Variants in RORA observed in about 807,000 individuals in gnomAD.
RORA encodes RAR related orphan receptor A, also known as nuclear receptor ROR-alpha.
Under a neutral mutation model 69.5 loss-of-function variants are expected in RORA, and 7 were observed. The observed-to-expected ratio is 0.10, with a 90% CI of 0.06 to 0.19. The LOEUF (loss-of-function observed/expected upper bound fraction) is 0.19, where lower values mean the gene tolerates loss of function less well. RORA is among the 10% of genes least tolerant of loss of function. The pLI is 1.00. For missense variants in RORA, 457 were observed against 663.0 expected (o/e 0.69, Z 3.41); for synonymous variants, 261 against 240.8 (o/e 1.08, Z -0.78).
At position 60,927,023 on chromosome 15, in the gene RORA, C is replaced by CA. The variant is rs1186547355; in HGVS notation, c.167-248338dup. Among the ~76,000 whole-genome samples, 5 of 152,056 alleles carry CA rather than the reference C, an allele frequency of 3.3e-5. No homozygotes were observed. The East Asian group carries it at 9.6e-4, about 29-fold the overall frequency. On this transcript the variant is annotated intron_variant, in intron 1 of 10. Coordinates refer to ENST00000335670, the MANE Select transcript of RORA (RefSeq NM_134261.3). ...TTCATGATAAGTGTGTTGTTGATAT[C>CA]AGGAAAAAATTATTATCATTTTGAA...
chr15:60,997,647 A>T (rs1894599580), intron 1 of RORA, among the ~76,000 whole-genome samples: 1 of 152,230 alleles, frequency 6.6e-6, no homozygotes. Context: ...GAAAGCACCC[A>T]TGTATATCTT....
chr15:60,494,388 GC>G lies in RORA; in HGVS notation c.*3066del, dbSNP rs1201867727. 6.6e-6 allele frequency: 1 copy of G among 152,194 alleles called. No individual in the cohort carries two copies. Among genetic ancestry groups the G allele is most frequent in the Non-Finnish European group, 1.5e-5 (1 of 68,030 alleles). The allele number at this position is 152,194 out of a possible 1,614,324, so 9.4% of individuals were successfully genotyped here. On this transcript the variant is annotated 3_prime_UTR_variant, in exon 11 of 11. Coordinates refer to ENST00000335670, the MANE Select transcript of RORA (RefSeq NM_134261.3). ...TGTACAAAGGCATTGTAGCAGCGGG[GC>G]TGACAGTGATGTGGTTCCAATCCTT...
chr15:60,658,290 A>C (rs1290994854), intron 2 of RORA, among the ~76,000 whole-genome samples: 1 of 152,106 alleles, frequency 6.6e-6, no homozygotes, highest in African/African-American at 2.4e-5. Flanking sequence ...CCTGACCTCA[A>C]GTGATCCGCC....
intron 1 of RORA, among the ~76,000 whole-genome samples, chr15:60,830,849 T>C (rs1000093326): frequency 6.6e-6 from 1 of 152,244 alleles, no homozygotes; most frequent in African/African-American, 2.4e-5. Context: ...CAAGATTTTC[T>C]TGGGCATGAG....
At chr15:60,838,766 C>T (rs1567209226) in intron 1 of RORA, among the ~76,000 whole-genome samples, 1 of 151,706 alleles carries the variant, frequency 6.6e-6, no homozygotes, top group African/African-American at 2.4e-5. Flanking sequence ...TAACTCAGTT[C>T]CCCCAGACAA....
chr15:60,729,262 C>T (rs1020754199), intron 1 of RORA, among the ~76,000 whole-genome samples: 2 of 152,176 alleles, frequency 1.3e-5, no homozygotes, highest in Admixed American at 1.3e-4. Context: ...TCATGGATGC[C>T]ACTAAAGAGG....
chr15:61,153,701 C>G (rs998100575), intron 1 of RORA, among the ~76,000 whole-genome samples: 2 of 152,188 alleles, frequency 1.3e-5, no homozygotes, highest in Non-Finnish European at 2.9e-5. Flanking sequence ...CTCTAAAACT[C>G]CATGACTCTT....
At chr15:60,684,595 C>G (rs761787169) in intron 1 of RORA, among the ~76,000 whole-genome samples, 1 of 152,094 alleles carries the variant, frequency 6.6e-6, no homozygotes. Flanking sequence ...CCAGCCTGGG[C>G]GACAGTGCGA....
At chr15:60,556,709 T>C (rs2067370613) in intron 2 of RORA, 1 of 666,734 alleles carries the variant, frequency 1.5e-6, no homozygotes, top group Non-Finnish European at 2.7e-6. Flanking sequence ...AGATCCTCTA[T>C]GCCTGGAAGT....
At chr15:61,050,711 G>C (rs1219665710) in intron 1 of RORA, among the ~76,000 whole-genome samples, 7 of 152,164 alleles carry the variant, frequency 4.6e-5, no homozygotes, top group Non-Finnish European at 7.3e-5. Context: ...ACCTTCTCCT[G>C]CGATAAGAGT....
intron 1 of RORA, among the ~76,000 whole-genome samples, chr15:60,891,713 C>A (rs572480958): frequency 6.6e-6 from 1 of 152,236 alleles, no homozygotes; most frequent in Non-Finnish European, 1.5e-5. Context: ...CTATTCTGCA[C>A]GTGACTCCTT....
chr15:61,103,627 G>A (rs532804700), intron 1 of RORA, among the ~76,000 whole-genome samples: 6 of 152,232 alleles, frequency 3.9e-5, no homozygotes, highest in South Asian at 4.1e-4. Flanking sequence ...AGACCTCAAC[G>A]ACTCAAAGTC....
intron 1 of RORA, among the ~76,000 whole-genome samples, chr15:61,080,100 G>C (rs376739813): frequency 3.3e-5 from 5 of 152,174 alleles, no homozygotes; most frequent in African/African-American, 1.2e-4. Context: ...TTCTCAGGTA[G>C]CTCAGGAAGC....
At chr15:60,523,728 A>G (rs923537938) in intron 3 of RORA, among the ~76,000 whole-genome samples, 1 of 152,170 alleles carries the variant, frequency 6.6e-6, no homozygotes, top group Non-Finnish European at 1.5e-5. Flanking sequence ...CTGGAGTGCA[A>G]TGGAGTGACC....
intron 1 of RORA, among the ~76,000 whole-genome samples, chr15:60,817,411 G>A (rs2072833275): frequency 6.6e-6 from 1 of 152,194 alleles, no homozygotes; most frequent in South Asian, 2.1e-4. Context: ...ACTTCATCGA[G>A]GCAGGCTTGC....
chr15:61,229,111 G>A lies in RORA; in HGVS notation c.108C>T (p.Ala36=), dbSNP rs1226594297. The change falls in exon 1 of 11, where the codon GCC becomes GCT. Residue 36 remains alanine (A), a synonymous_variant. Transcript: ENST00000335670. ...CCGGGGCAGGCGGCTCGCTCTTGCGGGCGGATTCCTGGTTCAGCGGGGTCT... is the reference window on the plus strand; with the variant it reads ...CCGGGGCAGGCGGCTCGCTCTTGCGAGCGGATTCCTGGTTCAGCGGGGTCT... ...SRETPLNQES[A]RKSEPPAPVR... is the part of the protein sequence containing the mutation. 9 of 1,541,004 alleles carry A rather than the reference G, an allele frequency of 5.8e-6. No homozygotes were observed. The African/African-American group carries it at 1.1e-4, about 19-fold the overall frequency.
intron 1 of RORA, among the ~76,000 whole-genome samples, chr15:60,974,039 C>A (rs529217330): frequency 6.6e-6 from 1 of 152,214 alleles, no homozygotes. Flanking sequence ...TGTTAATTGA[C>A]TTCATTAGTT....
Position 61,134,444 on chromosome 15 carries a change from C to T in RORA, c.166+94609G>A, listed in dbSNP as rs140587245. Among the ~76,000 whole-genome samples, 1,065 of 152,290 alleles carry T rather than the reference C, an allele frequency of 7.0e-3. 18 individuals are homozygous for T. The highest frequency in any genetic ancestry group is 0.024 in the African/African-American group (1,003 of 41,548). ...TTTACAAGGCCAGAGGTTCTAACAGCATCTCATAAACTCTGCAAGGCAGGA... is the reference window on the plus strand; with the variant it reads ...TTTACAAGGCCAGAGGTTCTAACAGTATCTCATAAACTCTGCAAGGCAGGA... On this transcript the variant is annotated intron_variant, in intron 1 of 10. Transcript: ENST00000335670.
At chr15:60,518,287 C>T (rs1268486934) in intron 3 of RORA, among the ~76,000 whole-genome samples, 1 of 152,216 alleles carries the variant, frequency 6.6e-6, no homozygotes, top group Non-Finnish European at 1.5e-5. Context: ...AGTTAACTTC[C>T]ACCCACCATT....
Sources: allele counts gnomAD v4.1 joint callset (sites outside exome capture counted in the v4.1 genomes callset), GRCh38; gene constraint gnomAD v4.1.1; transcripts MANE v1.5; gene names NCBI Gene and HGNC (gene_info 2026-07-23, HGNC 2026-07-21).